The following ARHGAP32 variants were observed in gnomAD, a reference collection of about 807,000 sequenced individuals.
The protein encoded by ARHGAP32 is rho GTPase-activating protein 32.
Under a neutral mutation model 186.5 loss-of-function variants are expected in ARHGAP32, and 51 were observed. The observed-to-expected ratio is 0.27, with a 90% confidence interval of 0.22 to 0.35. The LOEUF (loss-of-function observed/expected upper bound fraction) is 0.35, where lower values mean the gene tolerates loss of function less well. Among genes scored for constraint, ARHGAP32 ranks in the 10% least tolerant of loss-of-function variants. ARHGAP32 has a pLI of 1.00. For synonymous variants in ARHGAP32, 950 were observed against 964.3 expected (o/e 0.99, Z 0.27); for missense variants, 2,186 against 2,623.5 (o/e 0.83, Z 3.64).
chr11:129,049,040 C>T (rs1386019201), intron 10 of ARHGAP32, among the ~76,000 whole-genome samples: 2 of 151,776 alleles, frequency 1.3e-5, no homozygotes, highest in South Asian at 2.1e-4. Context: ...TCTTGTATAC[C>T]GTCACAAGGA....
At chr11:129,017,555 C>G (rs1287009260) in intron 11 of ARHGAP32, among the ~76,000 whole-genome samples, 1 of 151,670 alleles carries the variant, frequency 6.6e-6, no homozygotes, top group Non-Finnish European at 1.5e-5. Context: ...TAGTGCTAGA[C>G]AGAAAAACTT....
intron 5 of ARHGAP32, among the ~76,000 whole-genome samples, chr11:129,109,117 T>C (rs1328614611): frequency 6.6e-6 from 1 of 152,122 alleles, no homozygotes; most frequent in Non-Finnish European, 1.5e-5. Context: ...TAGATCAAGT[T>C]TTTTAGATCC....
chr11:129,174,406 G>A (rs982363982), intron 1 of ARHGAP32, among the ~76,000 whole-genome samples: 3 of 152,194 alleles, frequency 2.0e-5, no homozygotes, highest in Admixed American at 2.0e-4. Flanking sequence ...GGTAAACAAA[G>A]CAGCCAGAAA....
In ARHGAP32 at chr11:128,978,849, C is replaced by T. The variant is rs756906551; in HGVS notation, c.2043G>A (p.Gly681=). 3.6e-5 allele frequency: 58 copies of T among 1,612,802 alleles called. No homozygotes were observed. In the Middle Eastern group the frequency reaches 9.9e-4, roughly 28 times the overall value. Residue 681 remains glycine, a synonymous_variant, in exon 19 of 23, where the codon GGG becomes GGA. Transcript: ENST00000682385. Reference sequence around the variant, plus strand: ...TTCGTTTAGAAACAGATGATGATTTCCCCAAGTTGAAAAAGGAACGCCAGC... The same window carrying T: ...TTCGTTTAGAAACAGATGATGATTTTCCCAAGTTGAAAAAGGAACGCCAGC... ...VGSWRSFFNL[G]KSSSVSKRKL...
intron 1 of ARHGAP32, among the ~76,000 whole-genome samples, chr11:129,266,231 G>A (rs2135718342): frequency 6.6e-6 from 1 of 152,238 alleles, no homozygotes; most frequent in Admixed American, 6.5e-5. Flanking sequence ...GTAAGAAAAT[G>A]TCACTAGATA....
chr11:129,085,605 A>G (rs1034807459), intron 6 of ARHGAP32, among the ~76,000 whole-genome samples: 1 of 152,184 alleles, frequency 6.6e-6, no homozygotes, highest in Non-Finnish European at 1.5e-5. Flanking sequence ...TACTGATTCT[A>G]AAGTATTATG....
At chr11:129,013,943 C>T (rs1041811801) in intron 11 of ARHGAP32, among the ~76,000 whole-genome samples, 2 of 152,180 alleles carry the variant, frequency 1.3e-5, no homozygotes, top group African/African-American at 4.8e-5. Context: ...TTCTACAGAA[C>T]ACTGGCAAGC....
At chr11:129,255,005 C>G (rs7952421) in intron 1 of ARHGAP32, among the ~76,000 whole-genome samples, 45,368 of 151,958 alleles carry the variant, frequency 0.3, 7,106 homozygotes, top group Middle Eastern at 0.4. Context: ...TTGAGGGATG[C>G]TGTATGGTCA....
intron 1 of ARHGAP32, among the ~76,000 whole-genome samples, chr11:129,232,972 T>C (rs957389925): frequency 6.6e-6 from 1 of 152,138 alleles, no homozygotes; most frequent in Admixed American, 6.5e-5. Context: ...CTAACTTGAT[T>C]GGGGTATGGA....
At position 129,159,711 on chromosome 11, in the gene ARHGAP32, A is replaced by T. The variant is rs143466105; in HGVS notation, c.225+4608T>A. The stretch of plus-strand genomic sequence containing the variant: ...CCTGAAAAAGAGGGACTCGTCCCTA[A>T]CTCATTTCATGAGGCCAACATCATC... On this transcript the variant is annotated intron_variant, in intron 2 of 22. Transcript: ENST00000682385. 6.4e-3 allele frequency among the ~76,000 whole-genome samples: 973 copies of T among 152,256 alleles called. 12 individuals carry two copies. Among genetic ancestry groups the T allele is most frequent in the African/African-American group, 0.022 (929 of 41,544 alleles).
intron 6 of ARHGAP32, among the ~76,000 whole-genome samples, chr11:129,077,058 G>A (rs943333298): frequency 6.6e-6 from 1 of 152,162 alleles, no homozygotes; most frequent in Non-Finnish European, 1.5e-5. Flanking sequence ...AGAGAGCTGA[G>A]TGAAATATAA....
rs149724629 is a variant in ARHGAP32 at position 129,262,602 on chromosome 11, G to A, written c.-5+16544C>T. Among the ~76,000 whole-genome samples the A allele has an allele frequency of 4.0e-3, 613 of 151,764 alleles. 4 individuals are homozygous for A. The highest frequency in any genetic ancestry group is 0.019 in the Admixed American group (286 of 15,230). ...GTTTCACCAGGGGGTTTCACATGTC[G>A]GCCAAGCTGGTCTCAAACTCCTGAC... On this transcript the variant is annotated intron_variant, in intron 1 of 6. Coordinates refer to the ARHGAP32 transcript ENST00000525234.
intron 11 of ARHGAP32, among the ~76,000 whole-genome samples, chr11:129,005,367 T>G (rs1435551953): frequency 3.3e-5 from 5 of 152,184 alleles, no homozygotes; most frequent in Non-Finnish European, 5.9e-5. Flanking sequence ...TTCATATAAT[T>G]TCTTATTGTT....
intron 11 of ARHGAP32, among the ~76,000 whole-genome samples, chr11:129,023,312 G>A (rs1245987189): frequency 1.3e-5 from 2 of 152,104 alleles, no homozygotes; most frequent in Admixed American, 6.5e-5. Flanking sequence ...CCAAAGAGGC[G>A]GGGAAGAACC....
intron 2 of ARHGAP32, among the ~76,000 whole-genome samples, chr11:129,142,911 A>T (rs1202030616): frequency 6.6e-6 from 1 of 151,674 alleles, no homozygotes; most frequent in Non-Finnish European, 1.5e-5. Flanking sequence ...TGTAGTCAGA[A>T]TTTGACAGAG....
intron 11 of ARHGAP32, among the ~76,000 whole-genome samples, chr11:129,030,153 C>A (rs1223484713): frequency 2.0e-5 from 3 of 152,036 alleles, no homozygotes; most frequent in African/African-American, 4.8e-5. Context: ...AGCATTTGTT[C>A]AATGGGAAGC....
chr11:129,269,066 T>C (rs529417007), intron 1 of ARHGAP32, among the ~76,000 whole-genome samples: 2 of 151,554 alleles, frequency 1.3e-5, no homozygotes, highest in Non-Finnish European at 2.9e-5. Flanking sequence ...AGTCCAGGAG[T>C]TCGAGACCAG....
At chr11:129,057,734 G>C (rs2135115519) in intron 10 of ARHGAP32, among the ~76,000 whole-genome samples, 1 of 151,834 alleles carries the variant, frequency 6.6e-6, no homozygotes, top group Admixed American at 6.6e-5. Context: ...GTGTATTAGT[G>C]GACTCGCAAA....
At chr11:129,057,116 C>T (rs1940286242) in intron 10 of ARHGAP32, among the ~76,000 whole-genome samples, 1 of 152,164 alleles carries the variant, frequency 6.6e-6, no homozygotes, top group African/African-American at 2.4e-5. Context: ...CATGCTGTTC[C>T]CCGCCTGGCC....
Sources: allele counts gnomAD v4.1 joint callset (sites outside exome capture counted in the v4.1 genomes callset), GRCh38; gene constraint gnomAD v4.1.1; transcripts MANE v1.5; gene names NCBI Gene and HGNC (gene_info 2026-07-23, HGNC 2026-07-21).